Variants in PIEZO2 observed in about 807,000 individuals in gnomAD.
PIEZO2 encodes the protein piezo type mechanosensitive ion channel component 2.
PIEZO2 carries 172 observed loss-of-function variants against 337.3 expected under a neutral mutation model. The observed-to-expected ratio is 0.51, with a 90% CI of 0.45 to 0.58. The LOEUF is 0.58. PIEZO2 is among the 20% of genes least tolerant of loss of function. The pLI, the probability that PIEZO2 is intolerant of heterozygous loss-of-function variation, is 0.00. For missense variants in PIEZO2, 3,028 were observed against 3,391.3 expected (o/e 0.89, Z 2.66); for synonymous variants, 1,251 against 1,228.5 (o/e 1.02, Z -0.38).
rs531656891 is a variant in PIEZO2 at position 10,846,298 on chromosome 18, A to T, written c.917+9055T>A. ...TGCAGGCAAACTCCCGTTTTTTAAA[A>T]CCATCAGATTTGTGAGACTCATTCA... On this transcript the variant is annotated intron_variant, in intron 7 of 55. Transcript: ENST00000674853. This position sits in a 1 kb window ranked among gnomAD's most constrained non-coding sequence, Gnocchi z 4.1. 5.3e-5 allele frequency among the ~76,000 whole-genome samples: 8 copies of T among 152,298 alleles called. No homozygotes were observed. Among genetic ancestry groups the T allele is most frequent in the African/African-American group, 1.9e-4 (8 of 41,568 alleles).
intron 3 of PIEZO2, among the ~76,000 whole-genome samples, chr18:10,938,330 C>A (rs1357842448): frequency 6.6e-6 from 1 of 152,156 alleles, no homozygotes; most frequent in African/African-American, 2.4e-5. Flanking sequence ...TGCTACAGAA[C>A]TATAAAGTAC....
At chr18:10,684,040 TCC>T (rs1220804579) in intron 49 of PIEZO2, among the ~76,000 whole-genome samples, 33 of 150,812 alleles carry the variant, frequency 2.2e-4, no homozygotes, top group Non-Finnish European at 1.0e-4. Context: ...CTTCCTTCCT[TCC>T]TCCTACCCTC....
At chr18:10,832,159 G>T (rs1031157457) in intron 7 of PIEZO2, among the ~76,000 whole-genome samples, 1 of 152,098 alleles carries the variant, frequency 6.6e-6, no homozygotes, top group Non-Finnish European at 1.5e-5. Flanking sequence ...TTAGCCAGGT[G>T]TGGTAGTGGG....
At position 11,035,319 on chromosome 18, in the gene PIEZO2, CTCT is replaced by C. The variant is rs2036890676; in HGVS notation, c.160+30805_160+30807del. On this transcript the variant is annotated intron_variant, in intron 2 of 55. Coordinates refer to ENST00000674853, the MANE Select transcript of PIEZO2 (RefSeq NM_001378183.1). The surrounding 1 kb of genome is among the most constrained non-coding windows in gnomAD (Gnocchi z 4.3). ...TGGCACCTTCTCTCTCTCTCCCTCT[CTCT>C]CTCTCTCTCTCTTTCTCTCTCTCTC... Among the ~76,000 whole-genome samples the C allele has an allele frequency of 3.3e-5, 2 of 60,782 alleles. No homozygotes were observed. Among genetic ancestry groups the C allele is most frequent in the African/African-American group, 6.9e-5 (1 of 14,558 alleles). The allele number at this position is 60,782 out of a possible 152,430, so 39.9% of individuals were successfully genotyped here.
intron 2 of PIEZO2, among the ~76,000 whole-genome samples, chr18:10,995,077 CAAA>C (rs767666232): frequency 1.1e-4 from 3 of 28,306 alleles, no homozygotes; most frequent in Non-Finnish European, 1.5e-4. Flanking sequence ...GACTCCGTCT[CAAA>C]AAAAAAAAAA....
chr18:10,712,589 C>T (rs1268523334), intron 39 of PIEZO2, among the ~76,000 whole-genome samples: 1 of 152,104 alleles, frequency 6.6e-6, no homozygotes, highest in Non-Finnish European at 1.5e-5. Context: ...ACAGAAGCTC[C>T]CCTTTCAAAA....
At chr18:10,806,833 C>T (rs1303789385) in intron 8 of PIEZO2, among the ~76,000 whole-genome samples, 2 of 152,162 alleles carry the variant, frequency 1.3e-5, no homozygotes, top group Non-Finnish European at 2.9e-5. Flanking sequence ...TATGACATGG[C>T]ATATTACAGT....
At chr18:11,043,519 A>G (rs921531455) in intron 2 of PIEZO2, among the ~76,000 whole-genome samples, 9 of 152,186 alleles carry the variant, frequency 5.9e-5, no homozygotes, top group African/African-American at 4.8e-5. Flanking sequence ...TTTTTATGTT[A>G]ATTTTGGAGA....
intron 3 of PIEZO2, among the ~76,000 whole-genome samples, chr18:10,939,561 T>C (rs1349240161): frequency 6.6e-6 from 1 of 152,198 alleles, no homozygotes; most frequent in African/African-American, 2.4e-5. Context: ...ATGTGGCATA[T>C]ATACACCATG....
rs1338744249 is a variant in PIEZO2, at chr18:11,135,887, C to T, written c.64+12638G>A. Among the ~76,000 whole-genome samples, 3 of 152,142 alleles carry T rather than the reference C, an allele frequency of 2.0e-5. No homozygotes were observed. In the East Asian group the frequency reaches 5.8e-4, roughly 29 times the overall value. On this transcript the variant is annotated intron_variant, in intron 1 of 55. Coordinates refer to ENST00000674853, the MANE Select transcript of PIEZO2 (RefSeq NM_001378183.1). ...AGCACTGCATTATCAACATAGATCC[C>T]AGAACTAGATTCCATTTGCAAATCT...
rs1359336840 is a variant in PIEZO2 at position 11,127,791 on chromosome 18, G to GCA, written c.64+20733_64+20734insTG. Among the ~76,000 whole-genome samples, 2 of 77,198 alleles carry GCA rather than the reference G, an allele frequency of 2.6e-5. No individual in the cohort carries two copies. The highest frequency in any genetic ancestry group is 1.3e-4 in the African/African-American group (2 of 15,824). The allele number at this position is 77,198 out of a possible 152,430, so 50.6% of individuals were successfully genotyped here. ...ATATGATATATATGCATATACGTGT[G>GCA]TGTGTGTGTGCATGTGTGTGTGTGT... On this transcript the variant is annotated intron_variant, in intron 1 of 55. Transcript: ENST00000674853. The surrounding 1 kb of genome is among the most constrained non-coding windows in gnomAD (Gnocchi z 4.5).
At chr18:11,123,654 A>G (rs1023489196) in intron 1 of PIEZO2, among the ~76,000 whole-genome samples, 1 of 152,146 alleles carries the variant, frequency 6.6e-6, no homozygotes, top group Admixed American at 6.5e-5. Context: ...TAAAAATACA[A>G]AAACAATTAG....
rs2143606299 is a variant in PIEZO2, at chr18:10,689,656, T to C, written c.7496A>G (p.Lys2499Arg). 1 of 1,614,212 alleles carries C rather than the reference T, an allele frequency of 6.2e-7. No individual in the cohort carries two copies. Among genetic ancestry groups the C allele is most frequent in the Non-Finnish European group, 8.5e-7 (1 of 1,180,018 alleles). Residue 2499 changes from lysine (K) to arginine (R), a missense_variant and splice_region_variant, in exon 49 of 56, where the codon AAG (lysine) becomes AGG (arginine). Lys to Arg is a conservative substitution (Grantham distance 26). Around this residue, in one of 5 missense-constraint regions of PIEZO2, gnomAD observed 179 missense variants for 281.8 expected, o/e 0.64. Coordinates refer to ENST00000674853, the MANE Select transcript of PIEZO2 (RefSeq NM_001378183.1). ...AAGGCACATCTCCTGGCTTCTTACCTTCTCCGACTCCCGCCAACACTTCAG... is the reference window on the plus strand; with the variant it reads ...AAGGCACATCTCCTGGCTTCTTACCCTCTCCGACTCCCGCCAACACTTCAG... ...FILKCWRESE[K>R]RYPQPRGQKK...
chr18:11,133,837 CTATA>C (rs373558006), intron 1 of PIEZO2, among the ~76,000 whole-genome samples: 166 of 149,816 alleles, frequency 1.1e-3, no homozygotes, highest in Non-Finnish European at 1.8e-3. Context: ...TAATAAACTC[CTATA>C]TATATATACA....
intron 3 of PIEZO2, among the ~76,000 whole-genome samples, chr18:10,919,498 T>C (rs1876759238): frequency 6.6e-6 from 1 of 152,140 alleles, no homozygotes; most frequent in Non-Finnish European, 1.5e-5. Context: ...GTTCAACACA[T>C]GTGTTATGCC....
intron 7 of PIEZO2, among the ~76,000 whole-genome samples, chr18:10,829,268 T>TA (rs200409403): frequency 0.028 from 3,981 of 142,360 alleles, 99 homozygotes; most frequent in African/African-American, 0.071. Context: ...CCAAAAACCC[T>TA]AAAAAAAAAA....
At chr18:10,889,910 C>G (rs959419570) in intron 4 of PIEZO2, among the ~76,000 whole-genome samples, 1 of 152,240 alleles carries the variant, frequency 6.6e-6, no homozygotes, top group Non-Finnish European at 1.5e-5. Context: ...CGGGGTCCCA[C>G]TTTAACTGCT....
Position 10,682,581 on chromosome 18 carries a change from C to T in PIEZO2, c.7498-289G>A, listed in dbSNP as rs989643213. 6.6e-6 allele frequency among the ~76,000 whole-genome samples: 1 copy of T among 152,132 alleles called. No individual in the cohort carries two copies. The highest frequency in any genetic ancestry group is 1.5e-5 in the Non-Finnish European group (1 of 68,010). On this transcript the variant is annotated intron_variant, in intron 49 of 55. Coordinates refer to ENST00000674853, the MANE Select transcript of PIEZO2 (RefSeq NM_001378183.1). This position sits in a 1 kb window ranked among gnomAD's most constrained non-coding sequence, Gnocchi z 5.6. ...CCCTTCAAGACTGTGGGTGGGTTTT[C>T]CTGGTGATGAACTCCTGGACCAAGG...
At chr18:11,089,343 G>A (rs75858090) in intron 1 of PIEZO2, among the ~76,000 whole-genome samples, 18,873 of 152,100 alleles carry the variant, frequency 0.12, 1,275 homozygotes, top group Non-Finnish European at 0.15. Flanking sequence ...TAACACAGGC[G>A]AAATCAATGT....
Sources: allele counts gnomAD v4.1 joint callset (sites outside exome capture counted in the v4.1 genomes callset), GRCh38; gene constraint gnomAD v4.1.1; regional missense constraint gnomAD v4.1.1; non-coding constraint Gnocchi (gnomAD v3.1); transcripts MANE v1.5; gene names NCBI Gene and HGNC (gene_info 2026-07-23, HGNC 2026-07-21).